TCF12: variants seen among roughly 807,000 people sequenced by gnomAD.
TCF12 encodes the protein transcription factor 12, also known as DNA-binding protein HTF4.
A neutral mutation model predicts 86.0 loss-of-function variants in TCF12; 45 were observed. The ratio of observed to expected loss-of-function variants is 0.52; its 90% CI spans 0.41 to 0.67. The LOEUF (loss-of-function observed/expected upper bound fraction) is 0.67, where lower values mean the gene tolerates loss of function less well. TCF12 is among the 30% of genes least tolerant of loss of function. The probability of loss-of-function intolerance (pLI) is 0.00; values close to 1 mark genes in which losing one functional copy is unlikely to be tolerated. For missense variants in TCF12, 881 were observed against 859.9 expected (o/e 1.02, Z -0.31); for synonymous variants, 330 against 299.6 (o/e 1.10, Z -1.05).
At chr15:57,274,920 G>A (rs1486812959) in intron 19 of TCF12, among the ~76,000 whole-genome samples, 2 of 152,106 alleles carry the variant, frequency 1.3e-5, no homozygotes, top group Non-Finnish European at 2.9e-5. Flanking sequence ...CCATTAAAAT[G>A]AGAAATACTT....
At position 57,283,707 on chromosome 15, in the gene TCF12, G is replaced by A. The variant is rs558167043; in HGVS notation, c.*11+1109G>A. Among the ~76,000 whole-genome samples the A allele has an allele frequency of 2.0e-5, 3 of 152,322 alleles. No individual in the cohort carries two copies. In the South Asian group the frequency reaches 6.2e-4, roughly 32 times the overall value. ...TATCAAGTGCAGTTTCATTTGGTCA[G>A]TTTCGTGGCTGTCTCATTTTGAACT... On this transcript the variant is annotated intron_variant, in intron 20 of 20. Transcript: ENST00000333725.
At chr15:57,167,972 T>C (rs2055025281) in intron 6 of TCF12, among the ~76,000 whole-genome samples, 1 of 152,192 alleles carries the variant, frequency 6.6e-6, no homozygotes, top group Admixed American at 6.5e-5. Context: ...TGTTAAACTT[T>C]TAGGAATTTA....
At chr15:57,061,957 T>G (rs1282066953) in intron 3 of TCF12, among the ~76,000 whole-genome samples, 2 of 147,490 alleles carry the variant, frequency 1.4e-5, no homozygotes, top group Admixed American at 6.8e-5. Context: ...GGTAACAGTG[T>G]TTTTTTTTTG....
At chr15:57,075,807 T>TCTCTCTCTCTCTCTCA (rs2069898194) in intron 4 of TCF12, among the ~76,000 whole-genome samples, 1 of 56,652 alleles carries the variant, frequency 1.8e-5, no homozygotes, top group Non-Finnish European at 3.3e-5. Flanking sequence ...TCTTTCTTTC[T>TCTCTCTCTCTCTCTCA]CTCTCTCTCT....
At chr15:57,238,951 G>T (rs1245724730) in intron 12 of TCF12, among the ~76,000 whole-genome samples, 4 of 152,198 alleles carry the variant, frequency 2.6e-5, no homozygotes, top group Non-Finnish European at 5.9e-5. Context: ...GCTTTGATAA[G>T]TAGAATTCCA....
At chr15:57,140,100 C>T (rs1383967440) in intron 5 of TCF12, among the ~76,000 whole-genome samples, 3 of 152,172 alleles carry the variant, frequency 2.0e-5, no homozygotes, top group Non-Finnish European at 4.4e-5. Flanking sequence ...GACATTTGTA[C>T]ACCTATGTTC....
intron 19 of TCF12, among the ~76,000 whole-genome samples, chr15:57,279,935 C>G (rs12909696): frequency 0.4 from 57,066 of 142,570 alleles, 13,945 homozygotes; most frequent in Non-Finnish European, 0.54. Flanking sequence ...TTCTTGTCGC[C>G]CAGGCTGGAG....
At chr15:57,211,391 C>G (rs932560427) in intron 8 of TCF12, among the ~76,000 whole-genome samples, 1 of 151,828 alleles carries the variant, frequency 6.6e-6, no homozygotes, top group Non-Finnish European at 1.5e-5. Context: ...AAAGTGAGAC[C>G]TTGTGTCAAT....
chr15:57,219,212 A>G, intron 8 of TCF12: 5 of 1,101,562 alleles, frequency 4.5e-6, no homozygotes, highest in Non-Finnish European at 5.5e-6. Context: ...TTCTTGGGTT[A>G]TTTTTATTCA....
chr15:57,009,308 G>C (rs1046137643), intron 3 of TCF12, among the ~76,000 whole-genome samples: 1 of 151,918 alleles, frequency 6.6e-6, no homozygotes, highest in Non-Finnish European at 1.5e-5. Context: ...ATGGGGTTTT[G>C]CCATGTTGCC....
intron 5 of TCF12, among the ~76,000 whole-genome samples, chr15:57,122,996 T>G (rs1357566601): frequency 6.6e-6 from 1 of 152,172 alleles, no homozygotes; most frequent in Non-Finnish European, 1.5e-5. Flanking sequence ...GAGAAAAGGT[T>G]GAGTGGATGA....
chr15:57,057,560 T>C (rs1185067987), intron 3 of TCF12, among the ~76,000 whole-genome samples: 1 of 152,204 alleles, frequency 6.6e-6, no homozygotes, highest in African/African-American at 2.4e-5. Flanking sequence ...TAGCTAGATA[T>C]TTTCTTTCCG....
chr15:57,056,072 C>T (rs1332014353), intron 3 of TCF12, among the ~76,000 whole-genome samples: 9 of 151,188 alleles, frequency 6.0e-5, no homozygotes, highest in African/African-American at 2.2e-4. Context: ...CTCTTAAGAC[C>T]ATCCAGGAAA....
In TCF12 at chr15:57,170,652, T is replaced by TA. The variant is rs1491144597; in HGVS notation, c.390+4186_390+4187insA. ...TTTATATATATATATAATATATATA[T>TA]TATATAAAATATATATATATATAAT... is the stretch of plus-strand genomic sequence containing the variant. On this transcript the variant is annotated intron_variant, in intron 6 of 20. Transcript: ENST00000333725. 1.3e-3 allele frequency among the ~76,000 whole-genome samples: 59 copies of TA among 44,910 alleles called. 4 individuals are homozygous for TA. In the East Asian group the frequency reaches 0.014, roughly 11 times the overall value. 29.5% of individuals were successfully genotyped at this position (44,910 alleles called of 152,430 possible). A position where few individuals can be genotyped will look rare whatever the true frequency, so the allele number is the denominator to read the frequency against.
At chr15:57,105,907 G>T (rs1191481265) in intron 5 of TCF12, among the ~76,000 whole-genome samples, 1 of 152,088 alleles carries the variant, frequency 6.6e-6, no homozygotes, top group African/African-American at 2.4e-5. Context: ...CGTTATAAGG[G>T]GTATTTAAAA....
At chr15:57,103,206 G>A (rs368214124) in intron 5 of TCF12, among the ~76,000 whole-genome samples, 1 of 152,172 alleles carries the variant, frequency 6.6e-6, no homozygotes, top group African/African-American at 2.4e-5. Flanking sequence ...TAAAAATACA[G>A]CATTTTCTAG....
intron 19 of TCF12, chr15:57,278,728 C>CCCTCCCTCTCCCTCCCT (rs1567041465): frequency 6.2e-5 from 5 of 80,752 alleles, no homozygotes; most frequent in African/African-American, 2.8e-4. Context: ...CTCCCTCCCT[C>CCCTCCCTCTCCCTCCCT]CCCTCTCTCT....
chr15:56,992,108 G>GA lies in TCF12; in HGVS notation c.148+71022dup, dbSNP rs1205593221. On this transcript the variant is annotated intron_variant, in intron 3 of 20. Coordinates refer to ENST00000333725, the MANE Select transcript of TCF12 (RefSeq NM_207037.2). ...GTCTCTACTAAAAAAAAGCCAAAAAGAAAAAAAAAAAACCTAGTTGGGCAT... is the reference window on the plus strand; with the variant it reads ...GTCTCTACTAAAAAAAAGCCAAAAAGAAAAAAAAAAAAACCTAGTTGGGCAT... Among the ~76,000 whole-genome samples the GA allele has an allele frequency of 3.3e-3, 463 of 140,200 alleles. 2 individuals are homozygous for GA. Among genetic ancestry groups the GA allele is most frequent in the Non-Finnish European group, 3.8e-3 (244 of 63,618 alleles). The allele number at this position is 140,200 out of a possible 152,430, so 92.0% of individuals were successfully genotyped here. A position where few individuals can be genotyped will look rare whatever the true frequency, so the allele number is the denominator to read the frequency against.
chr15:57,102,468 C>T (rs115069113), intron 5 of TCF12, among the ~76,000 whole-genome samples: 2,725 of 152,072 alleles, frequency 0.018, 90 homozygotes, highest in African/African-American at 0.059. Context: ...CGTCGTGACG[C>T]ACACCTGTAA....
Sources: gnomAD v4.1 joint callset for allele counts (sites outside exome capture counted in the v4.1 genomes callset) on GRCh38, gnomAD v4.1.1 for gene constraint, MANE v1.5 for transcripts, NCBI Gene and HGNC (gene_info 2026-07-23, HGNC 2026-07-21) for gene names.